The following SLCO3A1 variants were observed in gnomAD, a reference collection of about 807,000 sequenced individuals.
SLCO3A1 encodes PGE1 transporter.
Under a neutral mutation model 63.1 loss-of-function variants are expected in SLCO3A1, and 27 were observed. That is an observed-to-expected ratio of 0.43 (90% CI 0.32 to 0.59). The LOEUF (loss-of-function observed/expected upper bound fraction) is 0.59, where lower values mean the gene tolerates loss of function less well. Ranked by LOEUF, SLCO3A1 falls within the 20% of genes least tolerant of loss-of-function variation. SLCO3A1 has a pLI of 0.09. For synonymous variants in SLCO3A1, 473 were observed against 409.9 expected (o/e 1.15, Z -1.86); for missense variants, 773 against 945.8 (o/e 0.82, Z 2.40).
chr15:92,046,305 A>G, intron 2 of SLCO3A1, among the ~76,000 whole-genome samples: 1 of 152,054 alleles, frequency 6.6e-6, no homozygotes, highest in East Asian at 1.9e-4. Context: ...ACTTGAGATC[A>G]GGAGTTCGAG....
intron 5 of SLCO3A1, 46 bp from the exon 6 acceptor site, chr15:92,126,015 C>T (rs200192201): frequency 1.9e-6 from 3 of 1,554,902 alleles, no homozygotes; most frequent in Non-Finnish European, 2.7e-6. Flanking sequence ...TGTAGACTGG[C>T]CCCACCTTCC....
In SLCO3A1 at chr15:92,162,856, C is replaced by A; in HGVS notation, c.1854C>A (p.Asp618Glu). The part of the protein sequence containing the change: ...CGEQGACVLY[D>E]NVVYRYLYVS... The stretch of plus-strand genomic sequence containing the variant: ...AGCAAGGCGCCTGCGTCCTCTACGA[C>A]AATGTGGTCTACCGATACCTGTATG... Residue 618 changes from aspartate (D) to glutamate (E), a missense_variant, in exon 10 of 10, where the codon GAC (aspartate) becomes GAA (glutamate). This residue lies in a region of SLCO3A1 where 139 missense variants were observed against 131.4 expected (regional missense o/e 1.06). Coordinates refer to ENST00000318445, the MANE Select transcript of SLCO3A1 (RefSeq NM_013272.4). 6.2e-7 allele frequency: 1 copy of A among 1,614,222 alleles called. No individual in the cohort carries two copies. Among genetic ancestry groups the A allele is most frequent in the South Asian group, 1.1e-5 (1 of 91,080 alleles).
chr15:92,048,049 G>A (rs2046911461), intron 2 of SLCO3A1, among the ~76,000 whole-genome samples: 1 of 152,060 alleles, frequency 6.6e-6, no homozygotes, highest in African/African-American at 2.4e-5. Flanking sequence ...CATTTGCCTG[G>A]AGTCCTGGAC....
intron 1 of SLCO3A1, among the ~76,000 whole-genome samples, chr15:91,879,237 A>C (rs1009924306): frequency 1.3e-5 from 2 of 152,132 alleles, no homozygotes; most frequent in African/African-American, 4.8e-5. Context: ...GGTGCCTATA[A>C]AGCAGGTACG....
At chr15:92,046,508 C>A (rs2046865224) in intron 2 of SLCO3A1, among the ~76,000 whole-genome samples, 1 of 152,208 alleles carries the variant, frequency 6.6e-6, no homozygotes, top group Admixed American at 6.5e-5. Context: ...CCAGCCTGGG[C>A]TACAGAGTGA....
intron 2 of SLCO3A1, among the ~76,000 whole-genome samples, chr15:91,927,220 A>G (rs557759470): frequency 1.3e-5 from 2 of 152,202 alleles, no homozygotes; most frequent in Admixed American, 6.5e-5. Flanking sequence ...TTTCAGCCTA[A>G]CCGTGGGTGT....
At chr15:91,947,294 G>T (rs1475674949) in intron 2 of SLCO3A1, among the ~76,000 whole-genome samples, 1 of 152,222 alleles carries the variant, frequency 6.6e-6, no homozygotes, top group Non-Finnish European at 1.5e-5. Flanking sequence ...CATAGGAAAA[G>T]CAGCTTATCT....
chr15:92,052,913 T>G (rs750007164), intron 2 of SLCO3A1, among the ~76,000 whole-genome samples: 38 of 152,326 alleles, frequency 2.5e-4, no homozygotes, highest in Non-Finnish European at 3.2e-4. Context: ...ACCTGTTTCC[T>G]TTTACTTTTA....
chr15:91,916,599 G>A lies in SLCO3A1; in HGVS notation c.646+141G>A. 1.5e-6 allele frequency: 1 copy of A among 661,100 alleles called. No homozygotes were observed. The highest frequency in any genetic ancestry group is 2.5e-6 in the Non-Finnish European group (1 of 400,046). The allele number at this position is 661,100 out of a possible 1,614,324, so 41.0% of individuals were successfully genotyped here. On this transcript the variant is annotated intron_variant, in intron 2 of 9. Transcript: ENST00000318445. The surrounding 1 kb of genome is among the most constrained non-coding windows in gnomAD (Gnocchi z 6.2). Reference sequence around the variant, plus strand: ...CCTAGTGTTCTTGAAAAATACTCATGCCTGGGGGTGCAACCTGGGCATTGA... The same window carrying A: ...CCTAGTGTTCTTGAAAAATACTCATACCTGGGGGTGCAACCTGGGCATTGA...
intron 7 of SLCO3A1, among the ~76,000 whole-genome samples, chr15:92,135,124 G>A (rs573084650): frequency 1.4e-4 from 21 of 152,174 alleles, no homozygotes; most frequent in Non-Finnish European, 2.4e-4. Context: ...GTGACAATTT[G>A]GACCTCATGA....
At chr15:92,014,327 T>G (rs1448576816) in intron 2 of SLCO3A1, among the ~76,000 whole-genome samples, 1 of 151,894 alleles carries the variant, frequency 6.6e-6, no homozygotes, top group Non-Finnish European at 1.5e-5. Flanking sequence ...ATGTGAAGCG[T>G]GGGTGGCAGA....
intron 2 of SLCO3A1, among the ~76,000 whole-genome samples, chr15:92,080,648 C>T (rs962435065): frequency 6.6e-6 from 1 of 152,168 alleles, no homozygotes; most frequent in Non-Finnish European, 1.5e-5. Flanking sequence ...CAGTAGGGGC[C>T]ATACTCGGTG....
chr15:92,122,142 G>T (rs898205172), intron 5 of SLCO3A1, among the ~76,000 whole-genome samples: 1 of 152,072 alleles, frequency 6.6e-6, no homozygotes, highest in African/African-American at 2.4e-5. Flanking sequence ...CCACAGCTGG[G>T]GATTTGCAGC....
chr15:92,116,535 C>T (rs2047797337), intron 4 of SLCO3A1, among the ~76,000 whole-genome samples: 1 of 152,226 alleles, frequency 6.6e-6, no homozygotes, highest in Admixed American at 6.5e-5. Context: ...GCGGGGGGTA[C>T]ATGGCTAAGA....
chr15:92,014,563 T>G (rs1217360184), intron 2 of SLCO3A1, among the ~76,000 whole-genome samples: 1 of 152,036 alleles, frequency 6.6e-6, no homozygotes, highest in Non-Finnish European at 1.5e-5. Context: ...TAAAAAGCAG[T>G]GGGAAAATGG....
chr15:91,983,139 C>T (rs1027473395), intron 2 of SLCO3A1, among the ~76,000 whole-genome samples: 1 of 152,248 alleles, frequency 6.6e-6, no homozygotes, highest in Non-Finnish European at 1.5e-5. Context: ...TTACAAGATA[C>T]ACTTGACCTT....
chr15:92,102,621 T>C (rs1210400921), intron 3 of SLCO3A1, among the ~76,000 whole-genome samples: 2 of 152,180 alleles, frequency 1.3e-5, no homozygotes, highest in East Asian at 3.9e-4. Flanking sequence ...CTCTCCAGCA[T>C]GTAGCTATGC....
intron 2 of SLCO3A1, among the ~76,000 whole-genome samples, chr15:92,008,334 A>G (rs1035838235): frequency 1.3e-5 from 2 of 152,186 alleles, no homozygotes; most frequent in African/African-American, 4.8e-5. Flanking sequence ...TTTCGCCGCC[A>G]GGTTGTGCAG....
At chr15:91,906,018 C>A (rs1337723659) in intron 1 of SLCO3A1, among the ~76,000 whole-genome samples, 2 of 152,164 alleles carry the variant, frequency 1.3e-5, no homozygotes, top group African/African-American at 4.8e-5. Flanking sequence ...TCAATCCTGG[C>A]TCTGCACCTT....
Sources: gnomAD v4.1 joint callset for allele counts (sites outside exome capture counted in the v4.1 genomes callset) on GRCh38, gnomAD v4.1.1 for gene constraint, gnomAD v4.1.1 regional missense constraint, Gnocchi (gnomAD v3.1) non-coding constraint, MANE v1.5 for transcripts, NCBI Gene and HGNC (gene_info 2026-07-23, HGNC 2026-07-21) for gene names.